TMEM272: variants seen among roughly 807,000 people sequenced by gnomAD.
TMEM272 encodes long intergenic non-protein coding RNA 282.
Under a neutral mutation model 3.7 loss-of-function variants are expected in TMEM272, and 8 were observed. The observed-to-expected ratio is 2.17, with a 90% CI of 1.27 to 3.91. TMEM272 has a LOEUF of 3.91. Among genes scored for constraint, TMEM272 ranks in the 30% most tolerant of loss-of-function variants. The pLI is 0.00. For missense variants in TMEM272, 166 were observed against 91.5 expected (o/e 1.81, Z -3.32); for synonymous variants, 63 against 39.8 (o/e 1.58, Z -2.20).
At position 51,815,985 on chromosome 13, in the gene TMEM272, T is replaced by C. The variant is rs1175064955; in HGVS notation, c.*766A>G. ...ATGCCACCCAGCCAGCCGCAGATCA[T>C]AGAGAGGTACTTGAATAGCCAGAGG... On this transcript the variant is annotated 3_prime_UTR_variant, in exon 5 of 5. Transcript: ENST00000629372. The C allele has an allele frequency of 6.6e-6, 1 of 152,352 alleles. No homozygotes were observed. The allele number at this position is 152,352 out of a possible 1,614,324, so 9.4% of individuals were successfully genotyped here.
the TMEM272 span, among the ~76,000 whole-genome samples, chr13:51,912,245 C>T: frequency 1.1e-4 from 17 of 152,126 alleles, no homozygotes; most frequent in African/African-American, 3.6e-4. Context: ...AGCAGGTATT[C>T]GGTAATTATT....
chr13:51,887,821 C>G, the TMEM272 span, among the ~76,000 whole-genome samples: 4 of 152,226 alleles, frequency 2.6e-5, no homozygotes, highest in Admixed American at 6.5e-5. Flanking sequence ...CACTGGGGAA[C>G]AAGGGGCTGC....
intron 3 of TMEM272, among the ~76,000 whole-genome samples, chr13:51,823,574 A>G (rs1179579014): frequency 6.6e-6 from 1 of 152,268 alleles, no homozygotes; most frequent in Non-Finnish European, 1.5e-5. Flanking sequence ...AAACTCTTAC[A>G]GTGTTAAGCC....
At chr13:51,911,771 C>T in the TMEM272 span, among the ~76,000 whole-genome samples, 2 of 152,196 alleles carry the variant, frequency 1.3e-5, no homozygotes, top group Non-Finnish European at 2.9e-5. Context: ...ATCTGCCACT[C>T]CCTTGCCCAC....
In TMEM272 at chr13:51,836,254, A is replaced by C. The variant is rs543631959; in HGVS notation, c.58+2219T>G. Among the ~76,000 whole-genome samples the C allele has an allele frequency of 1.2e-4, 19 of 152,266 alleles. No homozygotes were observed. In the South Asian group the frequency reaches 3.7e-3, roughly 30 times the overall value. On this transcript the variant is annotated intron_variant, in intron 2 of 4. Transcript: ENST00000629372. ...CCTTCCTCCATGGGATGACACAAGAAGGCCCTCCCCAGCTGCCGGCCTCTC... is the reference window on the plus strand; with the variant it reads ...CCTTCCTCCATGGGATGACACAAGACGGCCCTCCCCAGCTGCCGGCCTCTC...
At chr13:51,835,769 A>G (rs1308356380) in intron 2 of TMEM272, among the ~76,000 whole-genome samples, 1 of 152,264 alleles carries the variant, frequency 6.6e-6, no homozygotes, top group East Asian at 1.9e-4. Context: ...ACAAAGAGTA[A>G]TAGAGCAAAC....
At position 51,822,105 on chromosome 13, in the gene TMEM272, G is replaced by A. The variant is rs1454695903; in HGVS notation, c.151C>T (p.Pro51Ser). 2 of 701,706 alleles carry A rather than the reference G, an allele frequency of 2.9e-6. No individual in the cohort carries two copies. Among genetic ancestry groups the A allele is most frequent in the South Asian group, 3.0e-5 (2 of 67,474 alleles). The allele number at this position is 701,706 out of a possible 1,614,324, so 43.5% of individuals were successfully genotyped here. ...MKFLEDCPIQ[P>S]LIPLYLLVGG... is the part of the protein sequence containing the mutation. Reference sequence around the variant, plus strand: ...ACTAGCAAATATAAAGGAATGAGGGGCTGTATAGGGCAGTCCTCCAAAAAT... The same window carrying A: ...ACTAGCAAATATAAAGGAATGAGGGACTGTATAGGGCAGTCCTCCAAAAAT... Residue 51 changes from proline (P) to serine (S), a missense_variant, in exon 4 of 5, where the codon CCC becomes TCC. By Grantham distance (74) the Pro-to-Ser change is moderately conservative (BLOSUM62 -1). Transcript: ENST00000629372.
Position 51,828,069 on chromosome 13 carries a change from G to C in TMEM272, c.59-1444C>G, listed in dbSNP as rs186799204. Among the ~76,000 whole-genome samples the C allele has an allele frequency of 3.1e-3, 474 of 152,316 alleles. 2 individuals are homozygous for C. Among genetic ancestry groups the C allele is most frequent in the African/African-American group, 0.01 (429 of 41,558 alleles). On this transcript the variant is annotated intron_variant, in intron 2 of 4. Coordinates refer to ENST00000629372, the MANE Select transcript of TMEM272 (RefSeq NM_001351003.2). ...ATGAGAACAACGCCCTGAGAGGCAA[G>C]AGAAGAGGTAAAAAGAAACTGGGTC...
chr13:51,839,447 T>A (rs1410545946), intron 1 of TMEM272, among the ~76,000 whole-genome samples: 1 of 151,984 alleles, frequency 6.6e-6, no homozygotes, highest in Non-Finnish European at 1.5e-5. Context: ...GGGGGCTGGC[T>A]GATCCAGGCG....
rs1333997715 is a variant in TMEM272, at chr13:51,814,018, A to T, written c.*2733T>A. 6.6e-6 allele frequency: 1 copy of T among 152,128 alleles called. No individual in the cohort carries two copies. Among genetic ancestry groups the T allele is most frequent in the Non-Finnish European group, 1.5e-5 (1 of 68,032 alleles). The allele number at this position is 152,128 out of a possible 1,614,324, so 9.4% of individuals were successfully genotyped here. A position where few individuals can be genotyped will look rare whatever the true frequency, so the allele number is the denominator to read the frequency against. ...GCTCTTGGGCCAGTCTTAGATGGGC[A>T]TTTTCATTCTCCAGGTATACACAGC... On this transcript the variant is annotated 3_prime_UTR_variant, in exon 5 of 5. Transcript: ENST00000629372.
the TMEM272 span, chr13:51,908,227 T>C: frequency 1.4e-6 from 1 of 728,416 alleles, no homozygotes; most frequent in African/African-American, 1.8e-5. Flanking sequence ...TTTCTTGCCG[T>C]GGTTCTGGAT....
At chr13:51,843,351 C>T (rs1471777803) in intron 1 of TMEM272, among the ~76,000 whole-genome samples, 1 of 152,154 alleles carries the variant, frequency 6.6e-6, no homozygotes, top group African/African-American at 2.4e-5. Context: ...CTACAAAAGA[C>T]CTATTCACTA....
the TMEM272 span, chr13:51,909,533 A>G: frequency 3.8e-6 from 4 of 1,060,292 alleles, no homozygotes; most frequent in African/African-American, 6.2e-5. Flanking sequence ...TCCGACTGCA[A>G]AGATGCTTGT....
the TMEM272 span, among the ~76,000 whole-genome samples, chr13:51,857,053 A>G: frequency 6.6e-6 from 1 of 152,212 alleles, no homozygotes; most frequent in Non-Finnish European, 1.5e-5. Context: ...CAAATTCATC[A>G]GAGACAAATG....
chr13:51,929,766 TC>T, the TMEM272 span, among the ~76,000 whole-genome samples: 12 of 152,232 alleles, frequency 7.9e-5, no homozygotes, highest in Admixed American at 7.2e-4. Context: ...TAAGGCTTCA[TC>T]CCGTCTGTGG....
chr13:51,869,041 A>G, the TMEM272 span, among the ~76,000 whole-genome samples: 2 of 152,222 alleles, frequency 1.3e-5, no homozygotes, highest in East Asian at 1.9e-4. Flanking sequence ...TCTGTGGTTT[A>G]TCTCCAGGAA....
At chr13:51,865,301 C>CA in the TMEM272 span, 4 of 1,220,182 alleles carry the variant, frequency 3.3e-6, no homozygotes, top group Non-Finnish European at 4.6e-6. Flanking sequence ...ATGTGATACT[C>CA]ATAGATCTGT....
At chr13:51,931,912 A>G in the TMEM272 span, among the ~76,000 whole-genome samples, 144,762 of 152,168 alleles carry the variant, frequency 0.95, 68,920 homozygotes, top group East Asian at 1. Context: ...GATATGGGGG[A>G]GAACCTTGAA....
the TMEM272 span, among the ~76,000 whole-genome samples, chr13:51,857,148 A>C: frequency 6.6e-6 from 1 of 152,152 alleles, no homozygotes; most frequent in African/African-American, 2.4e-5. Context: ...AATTCTCTAT[A>C]ATGTAAAGAA....
Sources: allele counts gnomAD v4.1 joint callset (sites outside exome capture counted in the v4.1 genomes callset), GRCh38; gene constraint gnomAD v4.1.1; transcripts MANE v1.5; gene names NCBI Gene and HGNC (gene_info 2026-07-23, HGNC 2026-07-21).